The following ABR variants were observed in gnomAD, a reference collection of about 807,000 sequenced individuals.
ABR encodes the protein ABR activator of RhoGEF and GTPase, also known as active breakpoint cluster region-related protein.
In ABR, 35 loss-of-function variants were observed where a neutral mutation model predicts 107.2. That is an observed-to-expected ratio of 0.33 (90% confidence interval 0.25 to 0.43). The LOEUF is 0.43. Ranked by LOEUF, ABR falls within the 20% of genes least tolerant of loss-of-function variation. The pLI is 1.00. For missense variants in ABR, 815 were observed against 1,115.2 expected, an observed-to-expected ratio of 0.73 and a Z score of 3.83; for synonymous variants, 498 against 462.0, an observed-to-expected ratio of 1.08 and a Z score of -1.00.
chr17:1,135,614 A>G (rs2040025717), intron 1 of ABR, among the ~76,000 whole-genome samples: 1 of 151,904 alleles, frequency 6.6e-6, no homozygotes, highest in African/African-American at 2.4e-5. Flanking sequence ...GGTGTCTCAC[A>G]CCTGTAATCC....
chr17:1,125,431 G>T (rs750872670), intron 1 of ABR, 64 bp from the exon 2 acceptor site: 2 of 1,586,120 alleles, frequency 1.3e-6, no homozygotes, highest in South Asian at 2.2e-5. Flanking sequence ...GACTGGTAGC[G>T]TAGTGGGCGC....
chr17:1,160,193 G>A (rs1242563019), intron 1 of ABR, among the ~76,000 whole-genome samples: 2 of 151,972 alleles, frequency 1.3e-5, no homozygotes, highest in African/African-American at 4.8e-5. Flanking sequence ...GGTGGAGGCT[G>A]CAGTGAGCTG....
In ABR at chr17:1,165,293, G is replaced by A. The variant is rs777699973; in HGVS notation, c.61+14374C>T. ...TGACCCGGAGGAGCCATTTTCTCCC[G>A]GGCAGAGGGAGCTCCTCACAAGCCA... On this transcript the variant is annotated intron_variant, in intron 1 of 22. Coordinates refer to ENST00000302538, the MANE Select transcript of ABR (RefSeq NM_021962.5). Among the ~76,000 whole-genome samples, 6 of 152,204 alleles carry A rather than the reference G, an allele frequency of 3.9e-5. No homozygotes were observed. In the East Asian group the frequency reaches 5.8e-4, roughly 15 times the overall value.
rs191461973 is a variant in ABR, at chr17:1,213,353, G to A, written c.838+15440C>T. Reference sequence around the variant, plus strand: ...GGCCATAGTTTAGGTGACTAAGCAGGTACTATTTGGTGTGAATTAAGGCTG... The same window carrying A: ...GGCCATAGTTTAGGTGACTAAGCAGATACTATTTGGTGTGAATTAAGGCTG... On this transcript the variant is annotated intron_variant, in intron 1 of 22. Transcript: ENST00000574139. Among the ~76,000 whole-genome samples the A allele has an allele frequency of 2.6e-3, 392 of 152,276 alleles. 2 individuals carry two copies. Among genetic ancestry groups the A allele is most frequent in the African/African-American group, 9.1e-3 (377 of 41,566 alleles).
chr17:1,021,587 C>CCT (rs2071645781), intron 16 of ABR, among the ~76,000 whole-genome samples: 2 of 151,742 alleles, frequency 1.3e-5, no homozygotes, highest in Admixed American at 6.6e-5. Context: ...GGGCGGATCA[C>CCT]AAGGTCAGGA....
intron 16 of ABR, among the ~76,000 whole-genome samples, chr17:1,045,251 C>T (rs1049510211): frequency 1.3e-5 from 2 of 152,258 alleles, no homozygotes; most frequent in Non-Finnish European, 2.9e-5. Context: ...TCTCGTTCCA[C>T]CTCCTCCTTG....
intron 2 of ABR, among the ~76,000 whole-genome samples, chr17:1,107,158 G>A (rs935926856): frequency 2.0e-5 from 3 of 152,238 alleles, no homozygotes; most frequent in Non-Finnish European, 2.9e-5. Flanking sequence ...CAGCAAAGTA[G>A]AGGGGAAGAC....
chr17:1,202,681 C>T (rs879810464), intron 1 of ABR, among the ~76,000 whole-genome samples: 68 of 152,052 alleles, frequency 4.5e-4, no homozygotes, highest in African/African-American at 1.4e-3. Context: ...GATCCATAGC[C>T]ATCTACTCCT....
chr17:1,043,740 T>TGCCC (rs1401153938), intron 16 of ABR, among the ~76,000 whole-genome samples: 1 of 152,194 alleles, frequency 6.6e-6, no homozygotes, highest in Admixed American at 6.5e-5. Flanking sequence ...GCCTGGAACC[T>TGCCC]GCCCCTCCCA....
chr17:1,029,220 C>A (rs972058846), intron 16 of ABR, among the ~76,000 whole-genome samples: 1 of 152,026 alleles, frequency 6.6e-6, no homozygotes, highest in African/African-American at 2.4e-5. Flanking sequence ...GCTAAACACT[C>A]GCACAAAAAG....
Position 1,157,165 on chromosome 17 carries a change from G to C in ABR, c.61+22502C>G, listed in dbSNP as rs888560330. Reference sequence around the variant, plus strand: ...TGGCCCAAGGTCACACAGCTGCTGAGTGGCAAAGCTTGGAACCCGGGCAGT... The same window carrying C: ...TGGCCCAAGGTCACACAGCTGCTGACTGGCAAAGCTTGGAACCCGGGCAGT... On this transcript the variant is annotated intron_variant, in intron 1 of 22. Coordinates refer to ENST00000302538, the MANE Select transcript of ABR (RefSeq NM_021962.5). This position sits in a 1 kb window ranked among gnomAD's most constrained non-coding sequence, Gnocchi z 4.7. 6.6e-6 allele frequency among the ~76,000 whole-genome samples: 1 copy of C among 152,114 alleles called. No individual in the cohort carries two copies. Among genetic ancestry groups the C allele is most frequent in the Non-Finnish European group, 1.5e-5 (1 of 68,040 alleles).
At chr17:1,061,870 C>T (rs113167381) in intron 10 of ABR, among the ~76,000 whole-genome samples, 52 of 152,158 alleles carry the variant, frequency 3.4e-4, no homozygotes, top group African/African-American at 1.2e-3. Flanking sequence ...TTCTACGTGT[C>T]GAATATGAGG....
chr17:1,137,547 G>A (rs545963570), intron 1 of ABR, among the ~76,000 whole-genome samples: 2 of 152,288 alleles, frequency 1.3e-5, no homozygotes, highest in African/African-American at 4.8e-5. Flanking sequence ...GCCGGGTCCG[G>A]TCTGTGGTGC....
At chr17:1,173,958 A>T (rs966644112) in intron 1 of ABR, among the ~76,000 whole-genome samples, 1 of 152,224 alleles carries the variant, frequency 6.6e-6, no homozygotes, top group Non-Finnish European at 1.5e-5. Flanking sequence ...AATATGAATT[A>T]ATCCACACAA....
At chr17:1,169,594 G>A (rs896225777) in intron 1 of ABR, among the ~76,000 whole-genome samples, 19 of 152,262 alleles carry the variant, frequency 1.2e-4, no homozygotes, top group Admixed American at 9.8e-4. Flanking sequence ...TGACCTCTCC[G>A]TGGGGGACTC....
At chr17:1,043,334 A>AT (rs1223910450) in intron 16 of ABR, among the ~76,000 whole-genome samples, 1 of 151,068 alleles carries the variant, frequency 6.6e-6, no homozygotes, top group Admixed American at 6.6e-5. Context: ...CGCCCGGCTA[A>AT]TTTTTTTTAA....
intron 12 of ABR, 50 bp downstream of exon 12, chr17:1,057,920 C>A: frequency 1.3e-6 from 2 of 1,531,836 alleles, no homozygotes; most frequent in Non-Finnish European, 1.8e-6. Flanking sequence ...ACAAAAGGCC[C>A]ATCAATGCCA....
rs1484492899 is a variant in ABR at position 1,157,231 on chromosome 17, G to A, written c.61+22436C>T. On this transcript the variant is annotated intron_variant, in intron 1 of 22. Coordinates refer to ENST00000302538, the MANE Select transcript of ABR (RefSeq NM_021962.5). This position sits in a 1 kb window ranked among gnomAD's most constrained non-coding sequence, Gnocchi z 4.7. ...ACCCTCTCTTGCTACTAAGTCAGTC[G>A]TGCTACAGCGCACATTACTTTTTTT... Among the ~76,000 whole-genome samples the A allele has an allele frequency of 2.7e-5, 4 of 150,524 alleles. No individual in the cohort carries two copies. Among genetic ancestry groups the A allele is most frequent in the Admixed American group, 6.7e-5 (1 of 15,010 alleles).
rs1371572915 is a variant in ABR, at chr17:1,179,910, C to G, written c.-183G>C. The stretch of plus-strand genomic sequence containing the variant: ...GGGGCGAGGGCGGGGCGGGAGCCCC[C>G]AAAACCCTCCCGAACCCTCCCGGCC... On this transcript the variant is annotated 5_prime_UTR_variant, in exon 1 of 23. Coordinates refer to ENST00000302538, the MANE Select transcript of ABR (RefSeq NM_021962.5). The surrounding 1 kb of genome is among the most constrained non-coding windows in gnomAD (Gnocchi z 4.9). 6 of 446,912 alleles carry G rather than the reference C, an allele frequency of 1.3e-5. No individual in the cohort carries two copies. Among genetic ancestry groups the G allele is most frequent in the African/African-American group, 8.7e-5 (4 of 46,124 alleles). The allele number at this position is 446,912 out of a possible 1,614,324, so 27.7% of individuals were successfully genotyped here. A position where few individuals can be genotyped will look rare whatever the true frequency, so the allele number is the denominator to read the frequency against.
Sources: allele counts gnomAD v4.1 joint callset (sites outside exome capture counted in the v4.1 genomes callset), GRCh38; gene constraint gnomAD v4.1.1; non-coding constraint Gnocchi (gnomAD v3.1); transcripts MANE v1.5; gene names NCBI Gene and HGNC (gene_info 2026-07-23, HGNC 2026-07-21).